The following RAPGEF4 variants were observed in gnomAD, a reference collection of about 807,000 sequenced individuals.
RAPGEF4 encodes RAP guanine-nucleotide-exchange factor (GEF) 4.
RAPGEF4 carries 66 observed loss-of-function variants against 147.9 expected under a neutral mutation model. That is an observed-to-expected ratio of 0.45 (90% confidence interval 0.37 to 0.55). The LOEUF is 0.55. Among genes scored for constraint, RAPGEF4 ranks in the 20% least tolerant of loss-of-function variants. The pLI, the probability that RAPGEF4 is intolerant of heterozygous loss-of-function variation, is 0.00. For synonymous variants in RAPGEF4, 419 were observed against 442.7 expected (o/e 0.95, Z 0.67); for missense variants, 1,071 against 1,257.3 (o/e 0.85, Z 2.24).
chr2:172,968,305 A>G (rs940290337), intron 10 of RAPGEF4, among the ~76,000 whole-genome samples: 2 of 152,124 alleles, frequency 1.3e-5, no homozygotes, highest in East Asian at 3.9e-4. Context: ...GCTCTGAGTC[A>G]TGTTTGGCCG....
intron 1 of RAPGEF4, among the ~76,000 whole-genome samples, chr2:172,781,545 C>A (rs1228222066): frequency 6.6e-6 from 1 of 152,192 alleles, no homozygotes; most frequent in Admixed American, 6.5e-5. Flanking sequence ...ACTGGAATTA[C>A]AGGTATGAGC....
At chr2:172,971,323 C>A (rs1575409528) in intron 10 of RAPGEF4, among the ~76,000 whole-genome samples, 1 of 152,174 alleles carries the variant, frequency 6.6e-6, no homozygotes, top group South Asian at 2.1e-4. Flanking sequence ...AGAGACCAGC[C>A]TAAAGTTGGG....
intron 4 of RAPGEF4, among the ~76,000 whole-genome samples, chr2:172,886,491 A>G (rs1477887834): frequency 3.3e-5 from 5 of 152,250 alleles, no homozygotes; most frequent in African/African-American, 1.2e-4. Flanking sequence ...CAAAGTAGAC[A>G]TAATATAAAT....
At chr2:172,929,315 A>G (rs971904227) in intron 6 of RAPGEF4, among the ~76,000 whole-genome samples, 1 of 152,234 alleles carries the variant, frequency 6.6e-6, no homozygotes, top group African/African-American at 2.4e-5. Flanking sequence ...AAGTCCACAG[A>G]TATTAAATAT....
intron 4 of RAPGEF4, among the ~76,000 whole-genome samples, chr2:172,901,165 A>G (rs1699021800): frequency 6.6e-6 from 1 of 152,234 alleles, no homozygotes. Flanking sequence ...AACCGAAATC[A>G]TAAGTGGGCC....
intron 30 of RAPGEF4, among the ~76,000 whole-genome samples, chr2:173,049,921 A>G (rs779900012): frequency 1.4e-4 from 21 of 152,228 alleles, no homozygotes; most frequent in Non-Finnish European, 2.5e-4. Flanking sequence ...TTATAATCCC[A>G]AATCCAGCAG....
At chr2:172,917,472 CA>C in intron 4 of RAPGEF4, 2 of 603,614 alleles carry the variant, frequency 3.3e-6, no homozygotes, top group South Asian at 1.4e-5. Context: ...TTTCCCTCTA[CA>C]AAAAGCTGAG....
rs559006121 is a variant in RAPGEF4, at chr2:172,857,760, G to T, written c.444+43335G>T. Reference sequence around the variant, plus strand: ...AGCTGGGTGTGGTGGCGTGCCTGCAGTCCCAGATACCTGGGAGACTGAGGT... The same window carrying T: ...AGCTGGGTGTGGTGGCGTGCCTGCATTCCCAGATACCTGGGAGACTGAGGT... On this transcript the variant is annotated intron_variant, in intron 4 of 30. Coordinates refer to ENST00000397081, the MANE Select transcript of RAPGEF4 (RefSeq NM_007023.4). 8.1e-4 allele frequency among the ~76,000 whole-genome samples: 123 copies of T among 151,818 alleles called. 1 individual carries two copies. Among genetic ancestry groups the T allele is most frequent in the South Asian group, 2.5e-3 (12 of 4,792 alleles).
At chr2:173,036,569 C>A in intron 28 of RAPGEF4, 59 bp from the exon 29 acceptor site, 1 of 1,322,944 alleles carries the variant, frequency 7.6e-7, no homozygotes, top group Non-Finnish European at 1.1e-6. Flanking sequence ...TGCTATTGTG[C>A]TTTCTTAGTA....
intron 6 of RAPGEF4, among the ~76,000 whole-genome samples, chr2:172,931,176 G>T (rs867876889): frequency 2.8e-5 from 3 of 109,054 alleles, no homozygotes; most frequent in Non-Finnish European, 6.0e-5. Flanking sequence ...CCGGGGTGGG[G>T]GGGGGGGGCG....
chr2:173,041,581 A>G (rs1201312011), intron 29 of RAPGEF4, among the ~76,000 whole-genome samples: 1 of 152,230 alleles, frequency 6.6e-6, no homozygotes, highest in Non-Finnish European at 1.5e-5. Flanking sequence ...CTAGGTCACA[A>G]TAGTAATAAA....
intron 4 of RAPGEF4, among the ~76,000 whole-genome samples, chr2:172,896,330 G>A (rs986466426): frequency 2.0e-5 from 3 of 152,082 alleles, no homozygotes; most frequent in African/African-American, 7.2e-5. Context: ...ATAATTTTCA[G>A]GATACATCAT....
intron 4 of RAPGEF4, among the ~76,000 whole-genome samples, chr2:172,885,259 G>A (rs1697066018): frequency 6.6e-6 from 1 of 152,186 alleles, no homozygotes; most frequent in South Asian, 2.1e-4. Context: ...GTTGCCCATG[G>A]CGGTATTGGC....
At chr2:172,890,508 C>T (rs551565661) in intron 4 of RAPGEF4, among the ~76,000 whole-genome samples, 1 of 152,270 alleles carries the variant, frequency 6.6e-6, no homozygotes, top group African/African-American at 2.4e-5. Flanking sequence ...AATAAATAAA[C>T]CAGTGAAGGG....
chr2:173,014,413 C>T, intron 17 of RAPGEF4, 51 bp from the exon 18 acceptor site: 1 of 1,606,896 alleles, frequency 6.2e-7, no homozygotes, highest in Non-Finnish European at 8.5e-7. Flanking sequence ...TTGAAAGTAG[C>T]ATGTGAAATG....
intron 14 of RAPGEF4, among the ~76,000 whole-genome samples, chr2:172,989,664 G>A (rs1025963482): frequency 3.3e-5 from 5 of 152,134 alleles, no homozygotes; most frequent in South Asian, 2.1e-4. Flanking sequence ...GGATGGTGAC[G>A]ATGTCCCACC....
intron 4 of RAPGEF4, among the ~76,000 whole-genome samples, chr2:172,863,833 G>A (rs115366447): frequency 1.9e-3 from 293 of 152,080 alleles, no homozygotes; most frequent in African/African-American, 6.7e-3. Flanking sequence ...ACCCACCCTC[G>A]GGTCAAAGTC....
At chr2:172,890,150 G>C (rs1697737380) in intron 4 of RAPGEF4, among the ~76,000 whole-genome samples, 1 of 152,216 alleles carries the variant, frequency 6.6e-6, no homozygotes, top group Admixed American at 6.5e-5. Context: ...TATTTTGGCA[G>C]CTGAGGTTCT....
Position 172,917,865 on chromosome 2 carries a change from A to G in RAPGEF4, c.508A>G (p.Asn170Asp), listed in dbSNP as rs369674227. Residue 170 changes from asparagine to aspartate, a missense_variant, in exon 5 of 31, where the codon AAC (asparagine) becomes GAC (aspartate). By Grantham distance (23) the Asn-to-Asp change is conservative. Transcript: ENST00000397081. Reference protein sequence around the residue: ...PPYGVMETGSNNDRIPDKENT... With the variant: ...PPYGVMETGSDNDRIPDKENT... ...TTATGGTGTTATGGAAACGGGCTCT[A>G]ACAATGACAGTAAGTGGAAAATGTG... The G allele has an allele frequency of 1.9e-6, 3 of 1,613,128 alleles. No individual in the cohort carries two copies. The highest frequency in any genetic ancestry group is 2.5e-6 in the Non-Finnish European group (3 of 1,179,206).
Sources: allele counts gnomAD v4.1 joint callset (sites outside exome capture counted in the v4.1 genomes callset), GRCh38; gene constraint gnomAD v4.1.1; transcripts MANE v1.5; gene names NCBI Gene and HGNC (gene_info 2026-07-23, HGNC 2026-07-21).